Variants in LINS1 observed in about 807,000 individuals in gnomAD.
LINS1 encodes lines homolog 1.
Under a neutral mutation model 41.6 loss-of-function variants are expected in LINS1, and 27 were observed. The ratio of observed to expected loss-of-function variants is 0.65; its 90% CI spans 0.48 to 0.89. LINS1 has a LOEUF of 0.89. Ranked by LOEUF, LINS1 falls within the 40% of genes least tolerant of loss-of-function variation. The pLI, the probability that LINS1 is intolerant of heterozygous loss-of-function variation, is 0.00. For missense variants in LINS1, 955 were observed against 884.1 expected (o/e 1.08, Z -1.02); for synonymous variants, 336 against 312.9 (o/e 1.07, Z -0.78).
chr15:100,593,298 C>G (rs1301241878), intron 1 of LINS1, among the ~76,000 whole-genome samples: 1 of 152,132 alleles, frequency 6.6e-6, no homozygotes, highest in East Asian at 1.9e-4. Context: ...GGCAGAGGAG[C>G]TGAAATCCCA....
chr15:100,581,318 C>T (rs1201253722), intron 1 of LINS1, among the ~76,000 whole-genome samples: 1 of 152,180 alleles, frequency 6.6e-6, no homozygotes, highest in East Asian at 1.9e-4. Flanking sequence ...CTGACCTCTA[C>T]CTTCTACATG....
chr15:100,580,538 CG>C lies in LINS1; in HGVS notation c.304del (p.Arg102GlyfsTer18), dbSNP rs760477654. ...GAACTCGGTTTTGACAGACAATATCCGGGTTGTCATCACTTTGATCACTGTT... is the reference window on the plus strand; with the variant it reads ...GAACTCGGTTTTGACAGACAATATCCGGTTGTCATCACTTTGATCACTGTT... Reference protein sequence around the residue: ...QLTVIKVMTTRILSVKTEFHA... With the variant: ...QLTVIKVMTTXILSVKTEFHA... On this transcript the variant is annotated frameshift_variant, in exon 2 of 7. Transcript: ENST00000314742. LOFTEE classifies it high-confidence loss of function. 2.3e-5 allele frequency: 37 copies of C among 1,613,784 alleles called. No homozygotes were observed. The highest frequency in any genetic ancestry group is 2.9e-5 in the Non-Finnish European group (34 of 1,179,936).
intron 1 of LINS1, among the ~76,000 whole-genome samples, chr15:100,593,125 G>C (rs1264982995): frequency 1.3e-5 from 2 of 152,198 alleles, no homozygotes; most frequent in Non-Finnish European, 2.9e-5. Context: ...GCTTTTAAGA[G>C]ACACCAACAA....
chr15:100,596,289 G>C (rs1297576926), intron 1 of LINS1, among the ~76,000 whole-genome samples: 1 of 152,170 alleles, frequency 6.6e-6, no homozygotes, highest in Non-Finnish European at 1.5e-5. Context: ...CCTATCCTAG[G>C]AGCTTCCCAT....
chr15:100,576,516 A>T (rs2038190929), intron 3 of LINS1: 1 of 152,236 alleles, frequency 6.6e-6, no homozygotes, highest in African/African-American at 2.4e-5. Flanking sequence ...TAGGCTCTTA[A>T]ATTGAGGCAA....
intron 1 of LINS1, among the ~76,000 whole-genome samples, chr15:100,587,299 T>G (rs1253156620): frequency 1.3e-5 from 2 of 152,128 alleles, no homozygotes; most frequent in Admixed American, 6.5e-5. Flanking sequence ...TTTGCATGGA[T>G]AGTGCCGGCA....
intron 1 of LINS1, among the ~76,000 whole-genome samples, chr15:100,591,774 G>A (rs1470116463): frequency 6.6e-6 from 1 of 152,138 alleles, no homozygotes; most frequent in Non-Finnish European, 1.5e-5. Flanking sequence ...CCATCAAGGA[G>A]CTACCCTGCC....
intron 5 of LINS1, chr15:100,572,364 TA>T: frequency 8.4e-7 from 1 of 1,185,484 alleles, no homozygotes. Flanking sequence ...GATTTCTTGC[TA>T]AAAGCAGATA....
At chr15:100,601,191 C>G (rs1482288894) in intron 1 of LINS1, among the ~76,000 whole-genome samples, 1 of 152,208 alleles carries the variant, frequency 6.6e-6, no homozygotes, top group Admixed American at 6.5e-5. Context: ...TCCTATCTGT[C>G]TTAGTCCGTT....
Position 100,576,855 on chromosome 15 carries a change from G to A in LINS1, c.490-1727C>T, listed in dbSNP as rs544242866. ...ATCAAGTGGGCTTCATCCCTGGGAC[G>A]CAAGGCTGGTTCAACATATGCAAAT... On this transcript the variant is annotated intron_variant, in intron 3 of 6. Coordinates refer to ENST00000314742, the MANE Select transcript of LINS1 (RefSeq NM_001040616.3). Among the ~76,000 whole-genome samples the A allele has an allele frequency of 9.3e-4, 141 of 152,290 alleles. 2 individuals are homozygous for A. The highest frequency in any genetic ancestry group is 1.5e-3 in the Non-Finnish European group (101 of 68,032).
At chr15:100,585,314 T>C (rs2038751617) in intron 1 of LINS1, among the ~76,000 whole-genome samples, 1 of 152,222 alleles carries the variant, frequency 6.6e-6, no homozygotes, top group Non-Finnish European at 1.5e-5. Flanking sequence ...TCTTAGAACC[T>C]TCTCTCGCAG....
At position 100,593,561 on chromosome 15, in the gene LINS1, G is replaced by GGCA. The variant is rs10636937; in HGVS notation, c.-104+8559_-104+8560insTGC. Among the ~76,000 whole-genome samples, 17 of 66,144 alleles carry GGCA rather than the reference G, an allele frequency of 2.6e-4. 1 individual carries two copies. In the East Asian group the frequency reaches 0.014, roughly 54 times the overall value. 43.4% of individuals were successfully genotyped at this position (66,144 alleles called of 152,430 possible). A position where few individuals can be genotyped will look rare whatever the true frequency, so the allele number is the denominator to read the frequency against. Reference sequence around the variant, plus strand: ...TCTAAGTGAGTTTTACAACTTTATGGGGGGGGGGGGTGCTTAATTATCATA... The same window carrying GGCA: ...TCTAAGTGAGTTTTACAACTTTATGGGCAGGGGGGGGGGTGCTTAATTATCATA... On this transcript the variant is annotated intron_variant, in intron 1 of 6. Coordinates refer to ENST00000314742, the MANE Select transcript of LINS1 (RefSeq NM_001040616.3).
chr15:100,593,375 A>G (rs549061140), intron 1 of LINS1, among the ~76,000 whole-genome samples: 46 of 152,318 alleles, frequency 3.0e-4, no homozygotes, highest in African/African-American at 1.1e-3. Context: ...TTTATTTTTT[A>G]AGTTCTGTAA....
intron 3 of LINS1, among the ~76,000 whole-genome samples, chr15:100,576,033 A>T (rs2038155561): frequency 6.6e-6 from 1 of 152,238 alleles, no homozygotes; most frequent in Non-Finnish European, 1.5e-5. Flanking sequence ...CAGTACGTAG[A>T]GGGAAATTTA....
chr15:100,576,552 A>T (rs2038193017), intron 3 of LINS1: 1 of 152,238 alleles, frequency 6.6e-6, no homozygotes, highest in African/African-American at 2.4e-5. Flanking sequence ...AACCAAAAAA[A>T]GCCCAGGACC....
At position 100,569,020 on chromosome 15, in the gene LINS1, A is replaced by G. The variant is rs1402484932; in HGVS notation, c.*218T>C. On this transcript the variant is annotated 3_prime_UTR_variant, in exon 7 of 7. Coordinates refer to ENST00000314742, the MANE Select transcript of LINS1 (RefSeq NM_001040616.3). Reference sequence around the variant, plus strand: ...GCACCTGTAATTCCAGCTACTCGGGAGACTGAGGCAGGAGAATTGCTTGAA... The same window carrying G: ...GCACCTGTAATTCCAGCTACTCGGGGGACTGAGGCAGGAGAATTGCTTGAA... 5 of 401,120 alleles carry G rather than the reference A, an allele frequency of 1.2e-5. No individual in the cohort carries two copies. The highest frequency in any genetic ancestry group is 2.3e-5 in the Non-Finnish European group (5 of 220,650). 24.8% of individuals were successfully genotyped at this position (401,120 alleles called of 1,614,324 possible).
chr15:100,600,634 G>C (rs1257351655), intron 1 of LINS1, among the ~76,000 whole-genome samples: 4 of 143,370 alleles, frequency 2.8e-5, no homozygotes, highest in African/African-American at 7.9e-5. Flanking sequence ...GCATTTAATA[G>C]TCCTGAATAA....
intron 1 of LINS1, among the ~76,000 whole-genome samples, chr15:100,592,920 T>C (rs549348567): frequency 3.3e-5 from 5 of 152,214 alleles, no homozygotes; most frequent in Admixed American, 6.5e-5. Context: ...GGGTAGCCCA[T>C]TGGAATTGAA....
At chr15:100,585,410 G>T (rs1048822333) in intron 1 of LINS1, among the ~76,000 whole-genome samples, 1 of 152,204 alleles carries the variant, frequency 6.6e-6, no homozygotes. Flanking sequence ...ATGCATCCAG[G>T]CTTTTGTGCT....
Sources: allele counts gnomAD v4.1 joint callset (sites outside exome capture counted in the v4.1 genomes callset), GRCh38; gene constraint gnomAD v4.1.1; transcripts MANE v1.5; gene names NCBI Gene and HGNC (gene_info 2026-07-23, HGNC 2026-07-21).